The following CCDC169 variants were observed in gnomAD, a reference collection of about 807,000 sequenced individuals.
CCDC169 encodes coiled-coil domain-containing protein 169.
In CCDC169, 30 loss-of-function variants were observed where a neutral mutation model predicts 36.0. The observed-to-expected ratio is 0.83, with a 90% confidence interval of 0.62 to 1.13. The LOEUF (loss-of-function observed/expected upper bound fraction) is 1.13, where lower values mean the gene tolerates loss of function less well. Ranked by LOEUF, CCDC169 falls within the 50% of genes most tolerant of loss-of-function variation. The pLI, the probability that CCDC169 is intolerant of heterozygous loss-of-function variation, is 0.00. For missense variants in CCDC169, 245 were observed against 245.9 expected (o/e 1.00, Z 0.03); for synonymous variants, 85 against 81.5 (o/e 1.04, Z -0.23).
intron 7 of CCDC169, among the ~76,000 whole-genome samples, chr13:36,236,916 G>A (rs1054843475): frequency 6.6e-6 from 1 of 151,772 alleles, no homozygotes; most frequent in Non-Finnish European, 1.5e-5. Context: ...TACATAAAAC[G>A]GTGTCATATT....
chr13:36,292,146 CCTGA>C (rs1878980846), intron 2 of CCDC169, among the ~76,000 whole-genome samples: 1 of 152,080 alleles, frequency 6.6e-6, no homozygotes, highest in Non-Finnish European at 1.5e-5. Context: ...CACCACCACA[CCTGA>C]CTAATTTTTC....
At chr13:36,259,336 A>AC (rs1419094588) in intron 4 of CCDC169, among the ~76,000 whole-genome samples, 3 of 152,090 alleles carry the variant, frequency 2.0e-5, no homozygotes, top group Admixed American at 1.3e-4. Flanking sequence ...TCCCATTGTT[A>AC]CCGGATGGAA....
chr13:36,297,569 T>C, intron 1 of CCDC169, 68 bp downstream of exon 1: 3 of 1,469,474 alleles, frequency 2.0e-6, no homozygotes, highest in Non-Finnish European at 2.8e-6. Context: ...GCTTCAGCCC[T>C]GAGACTCTGC....
chr13:36,295,892 A>C lies in CCDC169; in HGVS notation c.84-35T>G, dbSNP rs114540921. ...AAAATATTTTTGTTGATTATAATTC[A>C]ATTAAAAATAACATCAGAAAAATAA... On this transcript the variant is annotated intron_variant, in intron 1 of 7. Coordinates refer to ENST00000239859, the MANE Select transcript of CCDC169 (RefSeq NM_001144981.3). 2.4e-3 allele frequency: 2,956 copies of C among 1,214,754 alleles called. 46 individuals are homozygous for C. The African/African-American group carries it at 0.036, about 15-fold the overall frequency. 75.2% of individuals were successfully genotyped at this position (1,214,754 alleles called of 1,614,324 possible). A position where few individuals can be genotyped will look rare whatever the true frequency, so the allele number is the denominator to read the frequency against.
intron 7 of CCDC169, among the ~76,000 whole-genome samples, chr13:36,231,801 G>T (rs1224430463): frequency 6.6e-6 from 1 of 152,116 alleles, no homozygotes; most frequent in African/African-American, 2.4e-5. Context: ...CTTCCTCAGG[G>T]AAAGTGTTTA....
At chr13:36,294,966 AGTTTTT>A (rs1447578058) in intron 2 of CCDC169, among the ~76,000 whole-genome samples, 3 of 152,068 alleles carry the variant, frequency 2.0e-5, no homozygotes, top group Non-Finnish European at 2.9e-5. Flanking sequence ...TCTGCCTTTT[AGTTTTT>A]ATTTCTTCTT....
At chr13:36,291,312 A>C (rs1246959988) in intron 2 of CCDC169, among the ~76,000 whole-genome samples, 1 of 85,392 alleles carries the variant, frequency 1.2e-5, no homozygotes, top group Non-Finnish European at 2.8e-5. Flanking sequence ...TTTATTCTAG[A>C]GTTTCCTGTA....
intron 4 of CCDC169, among the ~76,000 whole-genome samples, chr13:36,278,064 G>A (rs1877060012): frequency 6.6e-6 from 1 of 152,112 alleles, no homozygotes; most frequent in Non-Finnish European, 1.5e-5. Context: ...AGTGAAAACA[G>A]ATTGCACATC....
chr13:36,236,915 C>T (rs9315398), intron 7 of CCDC169, among the ~76,000 whole-genome samples: 61,439 of 151,694 alleles, frequency 0.41, 13,191 homozygotes, highest in Non-Finnish European at 0.48. Context: ...TTACATAAAA[C>T]GGTGTCATAT....
intron 2 of CCDC169, among the ~76,000 whole-genome samples, chr13:36,292,637 A>T (rs1378329518): frequency 6.6e-6 from 1 of 152,230 alleles, no homozygotes; most frequent in African/African-American, 2.4e-5. Flanking sequence ...CAATAAGCAG[A>T]TGAGAAAGTA....
At chr13:36,285,584 A>AAGATAGATAGATAGATAGATAGATAGAT (rs367836854) in intron 2 of CCDC169, among the ~76,000 whole-genome samples, 1 of 138,042 alleles carries the variant, frequency 7.2e-6, no homozygotes, top group African/African-American at 2.6e-5. Context: ...AAAATAAAAT[A>AAGATAGATAGATAGATAGATAGATAGAT]AGATAGATAG....
At chr13:36,225,675 A>T (rs1869837948), downstream of CCDC169, 1 of 152,172 alleles carries the variant, frequency 6.6e-6, no homozygotes, top group Non-Finnish European at 1.5e-5. Flanking sequence ...GGGAGAAAAT[A>T]TCCATGAACT....
downstream of CCDC169, chr13:36,222,453 A>G (rs146212074): frequency 1.8e-3 from 268 of 152,056 alleles, 2 homozygotes; most frequent in Middle Eastern, 6.8e-3. Context: ...CTAGAGCAAA[A>G]CTCTACGAGG....
intron 4 of CCDC169, among the ~76,000 whole-genome samples, chr13:36,281,679 C>T (rs746093911): frequency 1.3e-5 from 2 of 151,966 alleles, no homozygotes; most frequent in African/African-American, 4.8e-5. Context: ...CTGGGACACA[C>T]GGTGAAACCT....
intron 7 of CCDC169, among the ~76,000 whole-genome samples, chr13:36,248,182 T>TA (rs555573531): frequency 2.6e-5 from 4 of 152,106 alleles, no homozygotes; most frequent in African/African-American, 4.8e-5. Context: ...AGTAATGGTA[T>TA]AAAAAAAACT....
At chr13:36,257,122 AC>A (rs35893865) in intron 4 of CCDC169, among the ~76,000 whole-genome samples, 61,560 of 151,970 alleles carry the variant, frequency 0.41, 13,247 homozygotes, top group Non-Finnish European at 0.48. Context: ...TAGGGGAGGT[AC>A]CCGGTGTTAT....
At chr13:36,271,909 C>A (rs1170799524) in intron 4 of CCDC169, among the ~76,000 whole-genome samples, 1 of 151,356 alleles carries the variant, frequency 6.6e-6, no homozygotes, top group Non-Finnish European at 1.5e-5. Context: ...ATGGTGAAAC[C>A]CTATCTCTAC....
At chr13:36,255,555 G>A (rs549068597) in intron 4 of CCDC169, among the ~76,000 whole-genome samples, 9 of 151,954 alleles carry the variant, frequency 5.9e-5, no homozygotes, top group East Asian at 2.0e-4. Context: ...CCAGCTACTC[G>A]GCAGGCTGAG....
intron 7 of CCDC169, among the ~76,000 whole-genome samples, chr13:36,243,825 T>C (rs1272597634): frequency 6.6e-6 from 1 of 151,996 alleles, no homozygotes; most frequent in Non-Finnish European, 1.5e-5. Flanking sequence ...AATAAATAAG[T>C]AAAATAAACT....
Sources: gnomAD v4.1 joint callset for allele counts (sites outside exome capture counted in the v4.1 genomes callset) on GRCh38, gnomAD v4.1.1 for gene constraint, MANE v1.5 for transcripts, NCBI Gene and HGNC (gene_info 2026-07-23, HGNC 2026-07-21) for gene names.